The following GRIN2B variants were observed in gnomAD, a reference collection of about 807,000 sequenced individuals.
GRIN2B encodes glutamate ionotropic receptor NMDA type subunit 2B, also known as glutamate receptor ionotropic, NMDA 2B.
GRIN2B carries 5 observed loss-of-function variants against 114.5 expected under a neutral mutation model. The observed-to-expected ratio is 0.04, with a 90% CI of 0.02 to 0.09. GRIN2B has a LOEUF of 0.09. Among genes scored for constraint, GRIN2B ranks in the 10% least tolerant of loss-of-function variants. The pLI is 1.00. For missense variants in GRIN2B, 1,108 were observed against 1,943.5 expected (o/e 0.57, Z 8.08); for synonymous variants, 787 against 745.1 (o/e 1.06, Z -0.92).
intron 3 of GRIN2B, among the ~76,000 whole-genome samples, chr12:13,755,937 G>A (rs1242953175): frequency 6.6e-6 from 1 of 152,182 alleles, no homozygotes; most frequent in Non-Finnish European, 1.5e-5. Context: ...CTATGAGTCA[G>A]GGCATGAGCC....
At chr12:13,847,535 C>T (rs1365403776) in intron 3 of GRIN2B, among the ~76,000 whole-genome samples, 1 of 152,106 alleles carries the variant, frequency 6.6e-6, no homozygotes. Context: ...GGGGCCTCAG[C>T]ACTGACAGGA....
chr12:13,654,706 C>T (rs1349278175), intron 5 of GRIN2B, among the ~76,000 whole-genome samples: 1 of 152,132 alleles, frequency 6.6e-6, no homozygotes, highest in Non-Finnish European at 1.5e-5. Flanking sequence ...AAGTCCAGTT[C>T]TGGCCATCCT....
chr12:13,930,919 G>A (rs1365785896), intron 2 of GRIN2B, among the ~76,000 whole-genome samples: 1 of 152,152 alleles, frequency 6.6e-6, no homozygotes, highest in African/African-American at 2.4e-5. Context: ...AAGCTTAGAT[G>A]ATAATATCAA....
intron 4 of GRIN2B, among the ~76,000 whole-genome samples, chr12:13,680,554 A>G (rs1174196856): frequency 6.6e-6 from 1 of 151,940 alleles, no homozygotes; most frequent in East Asian, 1.9e-4. Flanking sequence ...TCTGCCTCAT[A>G]TAGTTCTAAT....
At position 13,567,503 on chromosome 12, in the gene GRIN2B, G is replaced by A. The variant is rs142295239; in HGVS notation, c.2360-240C>T. On this transcript the variant is annotated intron_variant, in intron 12 of 13. Coordinates refer to ENST00000609686, the MANE Select transcript of GRIN2B (RefSeq NM_000834.5). ...AAAATTTCACATGAGTACCGCAGGC[G>A]ATATGAACACATGAGACGTTGCTCC... Among the ~76,000 whole-genome samples, 578 of 152,284 alleles carry A rather than the reference G, an allele frequency of 3.8e-3. 1 individual carries two copies. Among genetic ancestry groups the A allele is most frequent in the Non-Finnish European group, 6.4e-3 (437 of 68,032 alleles).
chr12:13,809,746 A>C (rs1864691212), intron 3 of GRIN2B, among the ~76,000 whole-genome samples: 1 of 152,230 alleles, frequency 6.6e-6, no homozygotes. Flanking sequence ...ATACTGAATA[A>C]ATGGATAAAC....
At chr12:13,800,966 T>C (rs1864500484) in intron 3 of GRIN2B, among the ~76,000 whole-genome samples, 1 of 152,172 alleles carries the variant, frequency 6.6e-6, no homozygotes, top group South Asian at 2.1e-4. Flanking sequence ...CAGCAAGTAT[T>C]AACAGTTTAT....
intron 2 of GRIN2B, among the ~76,000 whole-genome samples, chr12:13,872,136 G>C (rs1865920580): frequency 6.6e-6 from 1 of 151,902 alleles, no homozygotes; most frequent in Admixed American, 6.6e-5. Context: ...CTTGATTCTA[G>C]ATTCAGATAA....
intron 5 of GRIN2B, among the ~76,000 whole-genome samples, chr12:13,620,450 A>G (rs772274739): frequency 1.4e-4 from 21 of 152,266 alleles, no homozygotes; most frequent in African/African-American, 2.9e-4. Context: ...AACACTATCA[A>G]TCAGGCTCCC....
intron 3 of GRIN2B, among the ~76,000 whole-genome samples, chr12:13,835,771 T>TAAAAAAAAAAAAAAAAAAAAAAAAAA (rs1165005583): frequency 1.1e-5 from 1 of 91,484 alleles, no homozygotes. Flanking sequence ...CATAGCACAT[T>TAAAAAAAAAAAAAAAAAAAAAAAAAA]AAAAAAAAAA....
chr12:13,828,958 C>G (rs1166904709), intron 3 of GRIN2B, among the ~76,000 whole-genome samples: 2 of 152,132 alleles, frequency 1.3e-5, no homozygotes. Context: ...ACCTTGATTT[C>G]TATCAATCTT....
Position 13,594,632 on chromosome 12 carries a change from C to T in GRIN2B, c.2010+13971G>A, listed in dbSNP as rs377414519. Among the ~76,000 whole-genome samples the T allele has an allele frequency of 4.6e-5, 7 of 151,418 alleles. No homozygotes were observed. The South Asian group carries it at 1.5e-3, about 32-fold the overall frequency. On this transcript the variant is annotated intron_variant, in intron 10 of 13. Transcript: ENST00000609686. ...GGCATGTGTATATCTATGTAACAAA[C>T]CCGCACATTCTGCACATGTACCCTA...
chr12:13,786,364 G>T (rs141595121), intron 3 of GRIN2B, among the ~76,000 whole-genome samples: 25 of 152,132 alleles, frequency 1.6e-4, no homozygotes, highest in Middle Eastern at 3.4e-3. Context: ...ATACCCAATT[G>T]TATTCAATTT....
chr12:13,833,393 T>C (rs147064921), intron 3 of GRIN2B, among the ~76,000 whole-genome samples: 2 of 152,266 alleles, frequency 1.3e-5, no homozygotes, highest in African/African-American at 4.8e-5. Context: ...TTCCCCTCCA[T>C]CTCCTCTGCA....
chr12:13,680,020 G>T (rs1483142928), intron 4 of GRIN2B, among the ~76,000 whole-genome samples: 1 of 152,010 alleles, frequency 6.6e-6, no homozygotes, highest in Admixed American at 6.6e-5. Flanking sequence ...GAGTCTAAAG[G>T]CAAGAAAGTT....
At chr12:13,960,651 G>A (rs768372966) in intron 2 of GRIN2B, among the ~76,000 whole-genome samples, 4 of 152,128 alleles carry the variant, frequency 2.6e-5, no homozygotes, top group African/African-American at 9.7e-5. Context: ...AATGAATTTT[G>A]TTTTGGATCA....
At chr12:13,858,553 A>C (rs1865701189) in intron 3 of GRIN2B, among the ~76,000 whole-genome samples, 1 of 152,202 alleles carries the variant, frequency 6.6e-6, no homozygotes, top group African/African-American at 2.4e-5. Context: ...CAGCAATATC[A>C]ATGTGATGTA....
intron 5 of GRIN2B, among the ~76,000 whole-genome samples, chr12:13,669,829 G>T (rs2268104): frequency 6.6e-6 from 1 of 152,036 alleles, no homozygotes; most frequent in Non-Finnish European, 1.5e-5. Flanking sequence ...GACCTCTATT[G>T]TATAAACACT....
intron 4 of GRIN2B, among the ~76,000 whole-genome samples, chr12:13,710,978 T>C (rs1328907523): frequency 2.0e-5 from 3 of 152,014 alleles, no homozygotes; most frequent in African/African-American, 7.2e-5. Context: ...CTTCAAACTA[T>C]ACTACAAGGC....
Sources: gnomAD v4.1 joint callset for allele counts (sites outside exome capture counted in the v4.1 genomes callset) on GRCh38, gnomAD v4.1.1 for gene constraint, MANE v1.5 for transcripts, NCBI Gene and HGNC (gene_info 2026-07-23, HGNC 2026-07-21) for gene names.